CCDC171: variants seen among roughly 807,000 people sequenced by gnomAD.
The protein encoded by CCDC171 is coiled-coil domain-containing protein 171.
CCDC171 carries 177 observed loss-of-function variants against 168.2 expected under a neutral mutation model. The ratio of observed to expected loss-of-function variants is 1.05; its 90% confidence interval spans 0.93 to 1.19. CCDC171 has a LOEUF of 1.19. Ranked by LOEUF, CCDC171 falls within the 50% of genes most tolerant of loss-of-function variation. The pLI, the probability that CCDC171 is intolerant of heterozygous loss-of-function variation, is 0.00. For missense variants in CCDC171, 1,991 were observed against 1,539.0 expected (o/e 1.29, Z -4.91); for synonymous variants, 687 against 540.8 (o/e 1.27, Z -3.75).
intron 21 of CCDC171, among the ~76,000 whole-genome samples, chr9:15,810,091 G>T (rs182420659): frequency 6.6e-6 from 1 of 152,114 alleles, no homozygotes; most frequent in Non-Finnish European, 1.5e-5. Context: ...TAGACACAGA[G>T]TGCTGATTGG....
intron 24 of CCDC171, among the ~76,000 whole-genome samples, chr9:15,901,536 CCA>C (rs1821666594): frequency 6.6e-6 from 1 of 152,088 alleles, no homozygotes; most frequent in Non-Finnish European, 1.5e-5. Flanking sequence ...AGTAAATATA[CCA>C]TAAAATCTAT....
chr9:15,636,533 G>C (rs1276636930), intron 7 of CCDC171, among the ~76,000 whole-genome samples: 1 of 151,964 alleles, frequency 6.6e-6, no homozygotes, highest in East Asian at 1.9e-4. Flanking sequence ...CAGATCACTT[G>C]AGACCAGGAG....
intron 6 of CCDC171, among the ~76,000 whole-genome samples, chr9:16,027,015 T>C (rs1482835087): frequency 1.3e-5 from 2 of 152,210 alleles, no homozygotes; most frequent in East Asian, 3.9e-4. Flanking sequence ...CTCGGGCTTA[T>C]GAGCTATCAG....
intron 6 of CCDC171, among the ~76,000 whole-genome samples, chr9:16,034,460 TCA>T (rs1365633354): frequency 1.3e-5 from 2 of 152,142 alleles, no homozygotes; most frequent in Non-Finnish European, 2.9e-5. Context: ...AAGGGAGATC[TCA>T]CACATTTTTT....
intron 25 of CCDC171, among the ~76,000 whole-genome samples, chr9:15,925,051 TG>T (rs767384099): frequency 7.9e-5 from 12 of 151,654 alleles, no homozygotes; most frequent in Non-Finnish European, 1.5e-4. Context: ...GGCACAGTTC[TG>T]TTCTTGGAGA....
intron 6 of CCDC171, among the ~76,000 whole-genome samples, chr9:15,611,975 G>T (rs1300167579): frequency 6.6e-6 from 1 of 152,162 alleles, no homozygotes; most frequent in Non-Finnish European, 1.5e-5. Context: ...TAGAATTGGT[G>T]CCTTTATAAG....
the CCDC171 span, among the ~76,000 whole-genome samples, chr9:16,088,627 T>C: frequency 6.6e-6 from 1 of 152,134 alleles, no homozygotes; most frequent in African/African-American, 2.4e-5. Context: ...ACAAAGGGAA[T>C]AAAATACCTA....
intron 7 of CCDC171, among the ~76,000 whole-genome samples, chr9:15,646,277 G>A (rs1475415676): frequency 6.6e-6 from 1 of 152,084 alleles, no homozygotes; most frequent in Non-Finnish European, 1.5e-5. Flanking sequence ...AAACTGATAC[G>A]AGCCCCTGCA....
chr9:15,652,414 C>G (rs1587748433), intron 7 of CCDC171, among the ~76,000 whole-genome samples: 1 of 150,796 alleles, frequency 6.6e-6, no homozygotes, highest in Non-Finnish European at 1.5e-5. Context: ...TATGTGTATC[C>G]TTTTGCTGGT....
chr9:15,618,727 C>G (rs2044278814), intron 6 of CCDC171, among the ~76,000 whole-genome samples: 1 of 152,084 alleles, frequency 6.6e-6, no homozygotes, highest in Non-Finnish European at 1.5e-5. Flanking sequence ...GTAGCACAGT[C>G]CCTCCCCACT....
At chr9:15,871,885 T>C (rs187763995) in intron 23 of CCDC171, among the ~76,000 whole-genome samples, 51 of 152,128 alleles carry the variant, frequency 3.4e-4, no homozygotes, top group African/African-American at 1.2e-3. Flanking sequence ...TTGGATTCTT[T>C]CAACATGATG....
At chr9:15,648,474 G>C (rs552810988) in intron 7 of CCDC171, among the ~76,000 whole-genome samples, 1 of 152,280 alleles carries the variant, frequency 6.6e-6, no homozygotes, top group South Asian at 2.1e-4. Context: ...GTTTGTAGAT[G>C]ACATGATTGT....
chr9:16,108,847 C>T, the CCDC171 span, among the ~76,000 whole-genome samples: 18 of 152,120 alleles, frequency 1.2e-4, no homozygotes, highest in African/African-American at 3.9e-4. Context: ...CAAATGCTGG[C>T]GTCATGCTTG....
At chr9:15,871,375 G>A (rs2062032225) in intron 23 of CCDC171, among the ~76,000 whole-genome samples, 1 of 151,724 alleles carries the variant, frequency 6.6e-6, no homozygotes, top group South Asian at 2.1e-4. Flanking sequence ...TTAAAGATTG[G>A]CTTTTGAAAT....
At chr9:15,740,129 T>A (rs1229685243) in intron 16 of CCDC171, among the ~76,000 whole-genome samples, 1 of 152,218 alleles carries the variant, frequency 6.6e-6, no homozygotes, top group African/African-American at 2.4e-5. Flanking sequence ...ATAACAAGAT[T>A]AAGTAATTTG....
chr9:15,844,551 G>T (rs1025228644), intron 21 of CCDC171, among the ~76,000 whole-genome samples: 20 of 151,884 alleles, frequency 1.3e-4, no homozygotes, highest in African/African-American at 4.8e-4. Context: ...ATGTCTATAA[G>T]TTATAAAACT....
At chr9:15,629,560 C>G (rs927491010) in intron 7 of CCDC171, among the ~76,000 whole-genome samples, 2 of 152,116 alleles carry the variant, frequency 1.3e-5, no homozygotes, top group Non-Finnish European at 2.9e-5. Flanking sequence ...ATGGGTGTAC[C>G]TGAAAATGAC....
Position 15,784,302 on chromosome 9 carries a change from A to T in CCDC171, c.3082-207A>T, listed in dbSNP as rs575636307. On this transcript the variant is annotated intron_variant, in intron 20 of 25. Coordinates refer to ENST00000380701, the MANE Select transcript of CCDC171 (RefSeq NM_173550.4). ...TTTTCTAAGATTTTATTTGACTGAAAATGATAACTAAGTGTGGCTGTTTTG... is the reference window on the plus strand; with the variant it reads ...TTTTCTAAGATTTTATTTGACTGAATATGATAACTAAGTGTGGCTGTTTTG... 1.8e-4 allele frequency among the ~76,000 whole-genome samples: 28 copies of T among 152,290 alleles called. 1 individual carries two copies. In the South Asian group the frequency reaches 5.8e-3, roughly 32 times the overall value.
chr9:16,083,531 GTTGGAAAGTGATATATTTAT>G, the CCDC171 span, among the ~76,000 whole-genome samples: 14 of 152,188 alleles, frequency 9.2e-5, no homozygotes, highest in Non-Finnish European at 2.1e-4. Flanking sequence ...AACTACCATT[GTTGGAAAGTGATATATTTAT>G]TTGGGTACCT....
Sources: gnomAD v4.1 joint callset for allele counts (sites outside exome capture counted in the v4.1 genomes callset) on GRCh38, gnomAD v4.1.1 for gene constraint, MANE v1.5 for transcripts, NCBI Gene and HGNC (gene_info 2026-07-23, HGNC 2026-07-21) for gene names.